The following CDH13 variants were observed in gnomAD, a reference collection of about 807,000 sequenced individuals.
The protein encoded by CDH13 is cadherin-13.
Under a neutral mutation model 63.8 loss-of-function variants are expected in CDH13, and 24 were observed. The observed-to-expected ratio is 0.38, with a 90% CI of 0.27 to 0.53. CDH13 has a LOEUF of 0.53. CDH13 is among the 20% of genes least tolerant of loss of function. CDH13 has a pLI of 0.85. For missense variants in CDH13, 1,049 were observed against 903.1 expected, an observed-to-expected ratio of 1.16 and a Z score of -2.07; for synonymous variants, 503 against 355.3, an observed-to-expected ratio of 1.42 and a Z score of -4.67.
chr16:82,871,064 G>A (rs556399974), intron 2 of CDH13, among the ~76,000 whole-genome samples: 46 of 152,302 alleles, frequency 3.0e-4, no homozygotes, highest in African/African-American at 8.9e-4. Flanking sequence ...AAACCATCTT[G>A]AAGTTTTTGA....
intron 2 of CDH13, among the ~76,000 whole-genome samples, chr16:82,873,338 C>T (rs1251660224): frequency 6.6e-6 from 1 of 152,128 alleles, no homozygotes; most frequent in Non-Finnish European, 1.5e-5. Flanking sequence ...GACTAAAGAG[C>T]CCAAGATCTC....
intron 4 of CDH13, among the ~76,000 whole-genome samples, chr16:83,215,094 TGAGATGGAG>T (rs2039458507): frequency 6.9e-6 from 1 of 143,964 alleles, no homozygotes. Context: ...TTTTTTTTTT[TGAGATGGAG>T]TCTTACTCTG....
intron 6 of CDH13, among the ~76,000 whole-genome samples, chr16:83,483,377 G>C (rs767441182): frequency 6.6e-6 from 1 of 151,856 alleles, no homozygotes; most frequent in Admixed American, 6.6e-5. Context: ...GGATAATTTT[G>C]TGTTACATCA....
chr16:83,527,238 G>A (rs752832122), intron 7 of CDH13, among the ~76,000 whole-genome samples: 5 of 151,928 alleles, frequency 3.3e-5, no homozygotes, highest in Admixed American at 6.6e-5. Context: ...TCACGAGGTC[G>A]GGAGATGGAG....
chr16:83,276,132 C>T (rs986962606), intron 5 of CDH13, among the ~76,000 whole-genome samples: 1 of 152,198 alleles, frequency 6.6e-6, no homozygotes, highest in African/African-American at 2.4e-5. Context: ...ACTCGCCCCA[C>T]ACTCTCAGGC....
At chr16:83,197,648 G>T (rs1310518809) in intron 4 of CDH13, among the ~76,000 whole-genome samples, 1 of 152,142 alleles carries the variant, frequency 6.6e-6, no homozygotes, top group African/African-American at 2.4e-5. Context: ...AGGAAGATGT[G>T]GTTGTGAAAT....
intron 1 of CDH13, among the ~76,000 whole-genome samples, chr16:82,648,060 C>T (rs1910307757): frequency 6.6e-6 from 1 of 152,208 alleles, no homozygotes; most frequent in Admixed American, 6.5e-5. Flanking sequence ...TGCCTTTACT[C>T]CTCCTTCGTC....
chr16:83,684,363 G>A (rs145509549), intron 10 of CDH13, among the ~76,000 whole-genome samples: 115 of 151,858 alleles, frequency 7.6e-4, no homozygotes, highest in Middle Eastern at 6.8e-3. Context: ...GCAATAAAGC[G>A]TGACTCCATC....
intron 1 of CDH13, among the ~76,000 whole-genome samples, chr16:82,678,221 A>C (rs1260199053): frequency 6.6e-6 from 1 of 152,100 alleles, no homozygotes; most frequent in African/African-American, 2.4e-5. Flanking sequence ...ATCTCGGTAT[A>C]GTTCATAGGT....
intron 5 of CDH13, among the ~76,000 whole-genome samples, chr16:83,300,895 A>T (rs1046643025): frequency 2.0e-5 from 3 of 152,164 alleles, no homozygotes; most frequent in Non-Finnish European, 4.4e-5. Flanking sequence ...GTTAAAGAAG[A>T]CGTGGCTGAG....
intron 2 of CDH13, among the ~76,000 whole-genome samples, chr16:82,916,020 T>C (rs2050561033): frequency 6.6e-6 from 1 of 152,050 alleles, no homozygotes; most frequent in African/African-American, 2.4e-5. Context: ...AATTAATACT[T>C]TAAAATAATT....
chr16:83,173,349 C>T (rs1307382825), intron 4 of CDH13, among the ~76,000 whole-genome samples: 1 of 152,202 alleles, frequency 6.6e-6, no homozygotes, highest in South Asian at 2.1e-4. Flanking sequence ...GGAATATTTG[C>T]TATGGAACTT....
intron 3 of CDH13, among the ~76,000 whole-genome samples, chr16:83,049,986 A>G (rs567913928): frequency 4.6e-5 from 7 of 152,346 alleles, no homozygotes; most frequent in African/African-American, 1.7e-4. Flanking sequence ...ATTGTTAGTA[A>G]TAATAATGCT....
intron 6 of CDH13, among the ~76,000 whole-genome samples, chr16:83,469,915 A>G (rs2073412589): frequency 6.6e-6 from 1 of 152,222 alleles, no homozygotes; most frequent in Non-Finnish European, 1.5e-5. Flanking sequence ...CAGTTTCTCC[A>G]AACCCCTACA....
At chr16:83,112,280 C>A (rs973748240) in intron 3 of CDH13, among the ~76,000 whole-genome samples, 1 of 152,206 alleles carries the variant, frequency 6.6e-6, no homozygotes, top group East Asian at 1.9e-4. Flanking sequence ...AAACCAATCC[C>A]GTTGGCAGGG....
At chr16:83,589,285 C>CA (rs1555579652) in intron 7 of CDH13, among the ~76,000 whole-genome samples, 1 of 128,260 alleles carries the variant, frequency 7.8e-6, no homozygotes, top group Non-Finnish European at 1.7e-5. Flanking sequence ...CTTTCCCCCC[C>CA]CCGGACCCCT....
At chr16:82,764,693 T>G (rs1050303607) in intron 1 of CDH13, among the ~76,000 whole-genome samples, 4 of 152,228 alleles carry the variant, frequency 2.6e-5, no homozygotes, top group African/African-American at 7.2e-5. Context: ...TGTTGAATAA[T>G]GAATGAAAGA....
intron 6 of CDH13, among the ~76,000 whole-genome samples, chr16:83,432,071 C>G (rs760774526): frequency 2.3e-4 from 35 of 152,126 alleles, no homozygotes; most frequent in Non-Finnish European, 2.6e-4. Context: ...TGCAATTACC[C>G]AGACCCAAGG....
intron 3 of CDH13, among the ~76,000 whole-genome samples, chr16:83,106,053 C>T (rs1847087929): frequency 6.6e-6 from 1 of 152,172 alleles, no homozygotes; most frequent in Non-Finnish European, 1.5e-5. Flanking sequence ...GATTTTATTC[C>T]ACTGGTGGGT....
Sources: gnomAD v4.1 joint callset for allele counts (sites outside exome capture counted in the v4.1 genomes callset) on GRCh38, gnomAD v4.1.1 for gene constraint, MANE v1.5 for transcripts, NCBI Gene and HGNC (gene_info 2026-07-23, HGNC 2026-07-21) for gene names.